FBXL4: variants seen among roughly 807,000 people sequenced by gnomAD.
FBXL4 encodes F-box and leucine rich repeat protein 4.
In FBXL4, 40 loss-of-function variants were observed where a neutral mutation model predicts 58.9. The observed-to-expected ratio is 0.68, with a 90% CI of 0.53 to 0.88. The LOEUF (loss-of-function observed/expected upper bound fraction) is 0.88. FBXL4 is among the 40% of genes least tolerant of loss of function. The pLI is 0.00. For missense variants in FBXL4, 676 were observed against 734.4 expected (o/e 0.92, Z 0.92); for synonymous variants, 263 against 265.5 (o/e 0.99, Z 0.09).
rs1162012673 is a variant in FBXL4, at chr6:98,905,659, C to A, written c.870G>T (p.Leu290=). The change falls in exon 6 of 10, where the codon CTG becomes CTT. Residue 290 remains leucine, a synonymous_variant. Transcript: ENST00000369244. ...CTGGTAGTGTAAGATGATTCAGAAT[C>A]AGCTGAATAAGCTAAATAAGACAGA... ...FDKLPYELIQ[L]ILNHLTLPDL... is the part of the protein sequence containing the mutation. 2 of 1,613,438 alleles carry A rather than the reference C, an allele frequency of 1.2e-6. No individual in the cohort carries two copies. The highest frequency in any genetic ancestry group is 8.5e-7 in the Non-Finnish European group (1 of 1,179,660).
chr6:98,879,340 A>C (rs1770764853), intron 8 of FBXL4, among the ~76,000 whole-genome samples: 1 of 152,120 alleles, frequency 6.6e-6, no homozygotes, highest in Non-Finnish European at 1.5e-5. Flanking sequence ...GGATCTCCTA[A>C]ACCTACATTG....
At chr6:98,916,202 C>G (rs950643886) in intron 5 of FBXL4, among the ~76,000 whole-genome samples, 23 of 143,178 alleles carry the variant, frequency 1.6e-4, no homozygotes, top group Admixed American at 3.5e-4. Context: ...AATAGGAACA[C>G]TTTTACACTG....
intron 1 of FBXL4, among the ~76,000 whole-genome samples, chr6:98,936,448 G>A (rs920346385): frequency 6.6e-6 from 1 of 152,110 alleles, no homozygotes; most frequent in South Asian, 2.1e-4. Context: ...GAACTGTGTG[G>A]GTCCACTTAT....
intron 7 of FBXL4, among the ~76,000 whole-genome samples, chr6:98,884,302 CAGTTAACCTATA>C (rs1355543459): frequency 6.6e-6 from 1 of 152,046 alleles, no homozygotes; most frequent in African/African-American, 2.4e-5. Flanking sequence ...GTGAACAGAA[CAGTTAACCTATA>C]AGGTAAATAC....
chr6:98,939,313 T>C (rs1255531832), intron 1 of FBXL4, among the ~76,000 whole-genome samples: 1 of 152,182 alleles, frequency 6.6e-6, no homozygotes, highest in Non-Finnish European at 1.5e-5. Flanking sequence ...GCCAAACTTC[T>C]TTCTACAATT....
At chr6:98,921,012 T>G (rs1772563276) in intron 4 of FBXL4, among the ~76,000 whole-genome samples, 1 of 152,206 alleles carries the variant, frequency 6.6e-6, no homozygotes, top group East Asian at 1.9e-4. Context: ...TGACAAACTC[T>G]AATGTACTCT....
chr6:98,936,738 A>G (rs2128410868), intron 1 of FBXL4, among the ~76,000 whole-genome samples: 1 of 152,340 alleles, frequency 6.6e-6, no homozygotes, highest in South Asian at 2.1e-4. Flanking sequence ...CTTCCAGTCA[A>G]CCATAGGCTA....
In FBXL4 at chr6:98,939,075, CAAAAAAAA is replaced by C. The variant is rs3068704; in HGVS notation, c.-308-4204_-308-4197del. Among the ~76,000 whole-genome samples the C allele has an allele frequency of 2.1e-3, 52 of 25,256 alleles. No individual in the cohort carries two copies. The South Asian group carries it at 0.022, about 11-fold the overall frequency. 16.6% of individuals were successfully genotyped at this position (25,256 alleles called of 152,430 possible). A position where few individuals can be genotyped will look rare whatever the true frequency, so the allele number is the denominator to read the frequency against. Reference sequence around the variant, plus strand: ...TGGGTGACAGAGCAAGACCTTGTCTCAAAAAAAAAAAAAAAAAAAAAAAAAAAGAGAAG... The same window carrying C: ...TGGGTGACAGAGCAAGACCTTGTCTCAAAAAAAAAAAAAAAAAAAGAGAAG... On this transcript the variant is annotated intron_variant, in intron 1 of 9. Coordinates refer to ENST00000369244, the MANE Select transcript of FBXL4 (RefSeq NM_001278716.2).
intron 6 of FBXL4, among the ~76,000 whole-genome samples, chr6:98,901,395 GT>G (rs745804416): frequency 2.0e-5 from 3 of 152,046 alleles, no homozygotes; most frequent in Non-Finnish European, 2.9e-5. Context: ...GGCGAGATGA[GT>G]AGATCAGAGA....
At chr6:98,892,995 T>G (rs1292512924) in intron 7 of FBXL4, among the ~76,000 whole-genome samples, 1 of 152,152 alleles carries the variant, frequency 6.6e-6, no homozygotes, top group African/African-American at 2.4e-5. Context: ...CTCCAACTTT[T>G]AAAAAACACT....
chr6:98,937,350 T>C (rs1773259485), intron 1 of FBXL4, among the ~76,000 whole-genome samples: 2 of 152,164 alleles, frequency 1.3e-5, no homozygotes, highest in Non-Finnish European at 2.9e-5. Flanking sequence ...AAAACTTTAC[T>C]AATAGGCTAC....
At chr6:98,915,765 G>A (rs1255000645) in intron 5 of FBXL4, among the ~76,000 whole-genome samples, 2 of 152,064 alleles carry the variant, frequency 1.3e-5, no homozygotes, top group Non-Finnish European at 2.9e-5. Flanking sequence ...CATGGGAAAG[G>A]ACTTCATGTC....
intron 5 of FBXL4, among the ~76,000 whole-genome samples, chr6:98,905,982 C>T (rs933271668): frequency 2.6e-5 from 4 of 152,156 alleles, no homozygotes; most frequent in African/African-American, 7.2e-5. Flanking sequence ...ACAGCTACTA[C>T]GTGCCAGACA....
intron 1 of FBXL4, among the ~76,000 whole-genome samples, chr6:98,938,919 CAAAAATA>C (rs903970304): frequency 3.0e-4 from 45 of 151,302 alleles, no homozygotes; most frequent in African/African-American, 1.0e-3. Flanking sequence ...CCTGCCTCTA[CAAAAATA>C]AAAAATAAAA....
At chr6:98,937,734 C>T (rs974881693) in intron 1 of FBXL4, among the ~76,000 whole-genome samples, 8 of 152,204 alleles carry the variant, frequency 5.3e-5, no homozygotes, top group Admixed American at 5.2e-4. Flanking sequence ...AAAAATATCT[C>T]TATACAGTAC....
chr6:98,938,186 T>G (rs1261538495), intron 1 of FBXL4, among the ~76,000 whole-genome samples: 1 of 152,062 alleles, frequency 6.6e-6, no homozygotes, highest in Non-Finnish European at 1.5e-5. Flanking sequence ...GCCTTCACAG[T>G]TTTTTCTGTA....
chr6:98,928,368 G>T (rs905637394), intron 2 of FBXL4, among the ~76,000 whole-genome samples: 1 of 150,342 alleles, frequency 6.7e-6, no homozygotes, highest in African/African-American at 2.5e-5. Context: ...CTCTCTTGCC[G>T]CCCAGGCTGG....
chr6:98,928,708 A>AT (rs1772887406), intron 2 of FBXL4, among the ~76,000 whole-genome samples: 1 of 152,188 alleles, frequency 6.6e-6, no homozygotes, highest in Non-Finnish European at 1.5e-5. Context: ...TTTGCACTAA[A>AT]TGTCCCTTCC....
chr6:98,868,607 ACAG>A lies in FBXL4; in HGVS notation c.*5668_*5670del, dbSNP rs1345242259. On this transcript the variant is annotated 3_prime_UTR_variant, in exon 10 of 10. Transcript: ENST00000369244. ...AACAACAGAAATCATTAGATATTGA[ACAG>A]CATTTTTATGTAAATAAAATTAAAA... 1 of 152,168 alleles carries A rather than the reference ACAG, an allele frequency of 6.6e-6. No individual in the cohort carries two copies. Among genetic ancestry groups the A allele is most frequent in the Admixed American group, 6.5e-5 (1 of 15,280 alleles). 9.4% of individuals were successfully genotyped at this position (152,168 alleles called of 1,614,324 possible).
Sources: allele counts gnomAD v4.1 joint callset (sites outside exome capture counted in the v4.1 genomes callset), GRCh38; gene constraint gnomAD v4.1.1; transcripts MANE v1.5; gene names NCBI Gene and HGNC (gene_info 2026-07-23, HGNC 2026-07-21).